PHKA1: variants seen among roughly 807,000 people sequenced by gnomAD.
PHKA1 encodes the protein phosphorylase b kinase regulatory subunit alpha, skeletal muscle isoform.
In PHKA1, 60 loss-of-function variants were observed where a neutral mutation model predicts 110.2. The observed-to-expected ratio is 0.54, with a 90% CI of 0.44 to 0.68. The LOEUF (loss-of-function observed/expected upper bound fraction) is 0.68, where lower values mean the gene tolerates loss of function less well. Among genes scored for constraint, PHKA1 ranks in the 30% least tolerant of loss-of-function variants. The pLI is 0.00. For missense variants in PHKA1, 801 were observed against 942.5 expected (o/e 0.85, Z 1.97); for synonymous variants, 316 against 333.6 (o/e 0.95, Z 0.58).
At chrX:72,701,755 C>G (rs782376262) in intron 3 of PHKA1, among the ~76,000 whole-genome samples, 1 of 111,750 alleles carries the variant, frequency 8.9e-6, no homozygotes, top group Admixed American at 9.5e-5. Flanking sequence ...TCCTATGGAA[C>G]AAAATTCCAT....
At position 72,605,564 on chromosome X, in the gene PHKA1, T is replaced by C. The variant is rs886068834; in HGVS notation, c.2662A>G (p.Met888Val). The change falls in exon 24 of 32, where the codon ATG (methionine) becomes GTG (valine). Residue 888 changes from methionine to valine, a missense_variant. Around this residue, in one of 2 missense-constraint regions of PHKA1, gnomAD observed 502 missense variants for 519.2 expected, o/e 0.97. Coordinates refer to ENST00000373542, the MANE Select transcript of PHKA1 (RefSeq NM_002637.4). ...ACCTGTGTAAGGATTGAAATGCTCATATCCCCTTCACTGGCTTCATCTATC... is the reference window on the plus strand; with the variant it reads ...ACCTGTGTAAGGATTGAAATGCTCACATCCCCTTCACTGGCTTCATCTATC... ...QLIDEASEGDMSISILTQEIM... is the reference protein window; with the variant it reads ...QLIDEASEGDVSISILTQEIM... 6.6e-6 allele frequency: 8 copies of C among 1,206,795 alleles called. No individual in the cohort carries two copies. The highest frequency in any genetic ancestry group is 9.0e-6 in the Non-Finnish European group (8 of 890,822).
At chrX:72,663,928 GGAGAAAGAGAAA>G (rs782274975) in intron 8 of PHKA1, among the ~76,000 whole-genome samples, 17 of 108,299 alleles carry the variant, frequency 1.6e-4, no homozygotes, top group African/African-American at 2.0e-4. Context: ...CATACAGAAA[GGAGAAAGAGAAA>G]GAGAAAGAGA....
At position 72,584,743 on chromosome X, in the gene PHKA1, T is replaced by A. The variant is rs782384473; in HGVS notation, c.3244-441A>T. Among the ~76,000 whole-genome samples the A allele has an allele frequency of 8.1e-5, 9 of 110,767 alleles. No individual in the cohort carries two copies. The South Asian group carries it at 2.7e-3, about 34-fold the overall frequency. On this transcript the variant is annotated intron_variant, in intron 29 of 31. Transcript: ENST00000373542. ...TGAGCAAAAGTTTTCCTTTTTTTTT[T>A]AACACTTGTTTTTTTTTTATTATTA...
intron 21 of PHKA1, 129 bp from the exon 22 acceptor site, chrX:72,611,313 C>T (rs2052806669): frequency 5.7e-6 from 3 of 525,040 alleles, no homozygotes; most frequent in African/African-American, 4.7e-5. Context: ...ATGTAATTTA[C>T]TAAGAATCCT....
intron 16 of PHKA1, among the ~76,000 whole-genome samples, chrX:72,630,265 GAAA>G (rs781789527): frequency 6.0e-5 from 5 of 83,370 alleles, no homozygotes; most frequent in Non-Finnish European, 1.2e-4. Flanking sequence ...AAAAGAAAAA[GAAA>G]AAGAAAAAGA....
chrX:72,580,404 A>G lies in PHKA1; in HGVS notation c.*598T>C, dbSNP rs1210157929. 4 of 114,883 alleles carry G rather than the reference A, an allele frequency of 3.5e-5. No homozygotes were observed. The highest frequency in any genetic ancestry group is 1.3e-4 in the African/African-American group (4 of 31,026). The allele number at this position is 114,883 out of a possible 1,213,427, so 9.5% of individuals were successfully genotyped here. ...GCAACAGTAGAGACAATGATTCTACATAGAAACAATTTTAAATTATCACTC... is the reference window on the plus strand; with the variant it reads ...GCAACAGTAGAGACAATGATTCTACGTAGAAACAATTTTAAATTATCACTC... On this transcript the variant is annotated 3_prime_UTR_variant, in exon 32 of 32. Coordinates refer to ENST00000373542, the MANE Select transcript of PHKA1 (RefSeq NM_002637.4).
rs148981522 is a variant in PHKA1 at position 72,582,461 on chromosome X, G to A, written c.3435C>T (p.Ile1145=). Residue 1145 remains isoleucine, a synonymous_variant, in exon 31 of 32, where the codon ATC becomes ATT. Transcript: ENST00000373542. ...TMLADIEIHS[I]GSIIAVEKIV... Reference sequence around the variant, plus strand: ...TTTTTTCCACAGCAATGATGCTTCCGATGCTATGAATTTCAATATCTGCCA... The same window carrying A: ...TTTTTTCCACAGCAATGATGCTTCCAATGCTATGAATTTCAATATCTGCCA... 175 of 1,205,185 alleles carry A rather than the reference G, an allele frequency of 1.5e-4. No individual in the cohort carries two copies. In the African/African-American group the frequency reaches 2.7e-3, roughly 19 times the overall value.
Position 72,656,209 on chromosome X carries a change from G to T in PHKA1, c.952C>A (p.Leu318Met). ...CACTCAATGTTTTCAAATAGCTTCA[G>T]CTCAGCTGGTTCATAGTACAGACGA... Reference protein sequence around the residue: ...PNRLYYEPAELKLFENIECEW... With the variant: ...PNRLYYEPAEMKLFENIECEW... The change falls in exon 10 of 32, where the codon CTG becomes ATG. Residue 318 changes from leucine to methionine, a missense_variant. Around this residue, in one of 2 missense-constraint regions of PHKA1, gnomAD observed 299 missense variants for 423.3 expected, o/e 0.71. Coordinates refer to ENST00000373542, the MANE Select transcript of PHKA1 (RefSeq NM_002637.4). 1 of 1,209,984 alleles carries T rather than the reference G, an allele frequency of 8.3e-7. No homozygotes were observed. Among genetic ancestry groups the T allele is most frequent in the Non-Finnish European group, 1.1e-6 (1 of 893,688 alleles).
intron 2 of PHKA1, among the ~76,000 whole-genome samples, chrX:72,711,006 C>G (rs1361305976): frequency 2.8e-5 from 3 of 106,556 alleles, no homozygotes; most frequent in East Asian, 5.9e-4. Flanking sequence ...GGACTACAGG[C>G]GCCCGCTACC....
intron 6 of PHKA1, among the ~76,000 whole-genome samples, chrX:72,675,620 T>A (rs1306018030): frequency 1.8e-5 from 2 of 110,816 alleles, no homozygotes; most frequent in Admixed American, 1.9e-4. Context: ...GATGAAAAAG[T>A]AGAGCCAAGT....
chrX:72,664,384 T>A (rs1363168823), intron 8 of PHKA1, among the ~76,000 whole-genome samples: 1 of 111,827 alleles, frequency 8.9e-6, no homozygotes, highest in Non-Finnish European at 1.9e-5. Context: ...GTTATAATAA[T>A]TGTAAATATA....
At chrX:72,609,828 G>A in intron 22 of PHKA1, 125 bp from the exon 23 acceptor site, 1 of 532,498 alleles carries the variant, frequency 1.9e-6, no homozygotes, top group South Asian at 2.5e-5. Flanking sequence ...CTCTTCCTCA[G>A]AAAATACCAT....
chrX:72,641,613 TA>T (rs782252301), intron 14 of PHKA1, among the ~76,000 whole-genome samples: 3 of 111,050 alleles, frequency 2.7e-5, no homozygotes, highest in Non-Finnish European at 5.7e-5. Flanking sequence ...TTTAAAAAAA[TA>T]AAAAAAATGT....
intron 6 of PHKA1, among the ~76,000 whole-genome samples, chrX:72,670,666 C>T (rs1356266192): frequency 2.1e-4 from 24 of 111,863 alleles, no homozygotes; most frequent in African/African-American, 7.5e-4. Flanking sequence ...CCCTGATGAA[C>T]ATCGATGCAA....
At chrX:72,602,944 G>A (rs2052676544) in intron 26 of PHKA1, among the ~76,000 whole-genome samples, 175 bp downstream of exon 26, 2 of 111,962 alleles carry the variant, frequency 1.8e-5, no homozygotes, top group Non-Finnish European at 3.8e-5. Flanking sequence ...ACCATTTAAG[G>A]AAAAATATAG....
At chrX:72,655,643 G>A (rs1556300921) in intron 10 of PHKA1, among the ~76,000 whole-genome samples, 1 of 108,988 alleles carries the variant, frequency 9.2e-6, no homozygotes, top group African/African-American at 3.3e-5. Context: ...TTTTTTTTGA[G>A]ACGGAGTCTC....
At position 72,611,023 on chromosome X, in the gene PHKA1, A is replaced by G. The variant is rs1556259531; in HGVS notation, c.2526+5T>C. The G allele has an allele frequency of 3.4e-6, 4 of 1,190,144 alleles. No homozygotes were observed. Among genetic ancestry groups the G allele is most frequent in the Non-Finnish European group, 4.6e-6 (4 of 876,524 alleles). ...ATTTGGTATAAATTCAAGAATTTATAGTACCTCATCAAGTGCTTCCACTTT... is the reference window on the plus strand; with the variant it reads ...ATTTGGTATAAATTCAAGAATTTATGGTACCTCATCAAGTGCTTCCACTTT... On this transcript the variant is annotated splice_donor_5th_base_variant and intron_variant, in intron 22 of 31. Transcript: ENST00000373542.
intron 14 of PHKA1, among the ~76,000 whole-genome samples, chrX:72,638,761 T>C (rs2053260314): frequency 8.9e-6 from 1 of 111,932 alleles, no homozygotes; most frequent in Admixed American, 9.5e-5. Context: ...AAGGTGTTTA[T>C]CACAGCCCCT....
At chrX:72,712,969 T>C in intron 1 of PHKA1, 32 bp from the exon 2 acceptor site, 1 of 1,200,017 alleles carries the variant, frequency 8.3e-7, no homozygotes. Flanking sequence ...GGCAGGAAGG[T>C]AACCATAGGT....
Sources: allele counts gnomAD v4.1 joint callset (sites outside exome capture counted in the v4.1 genomes callset), GRCh38; gene constraint gnomAD v4.1.1; regional missense constraint gnomAD v4.1.1; transcripts MANE v1.5; gene names NCBI Gene and HGNC (gene_info 2026-07-23, HGNC 2026-07-21).